LPCAT2: variants seen among roughly 807,000 people sequenced by gnomAD.
LPCAT2 encodes the protein 1-AGP acyltransferase 11.
LPCAT2 carries 58 observed loss-of-function variants against 64.7 expected under a neutral mutation model. The observed-to-expected ratio is 0.90, with a 90% CI of 0.73 to 1.12. The LOEUF (loss-of-function observed/expected upper bound fraction) is 1.12. LPCAT2 is among the 50% of genes most tolerant of loss of function. The pLI, the probability that LPCAT2 is intolerant of heterozygous loss-of-function variation, is 0.00. For missense variants in LPCAT2, 579 were observed against 669.8 expected (o/e 0.86, Z 1.50); for synonymous variants, 252 against 245.3 (o/e 1.03, Z -0.26).
chr16:55,537,402 A>G (rs1488457185), intron 7 of LPCAT2, among the ~76,000 whole-genome samples, 176 bp from the exon 8 acceptor site: 1 of 152,030 alleles, frequency 6.6e-6, no homozygotes, highest in African/African-American at 2.4e-5. Context: ...AAAAAAAAAA[A>G]AAAGAATAGT....
At chr16:55,520,583 T>C (rs1334546107) in intron 1 of LPCAT2, among the ~76,000 whole-genome samples, 3 of 151,986 alleles carry the variant, frequency 2.0e-5, no homozygotes, top group Non-Finnish European at 4.4e-5. Context: ...ACACATTTAA[T>C]GCTTACCGAC....
intron 8 of LPCAT2, among the ~76,000 whole-genome samples, chr16:55,544,982 G>T (rs1399713816): frequency 1.3e-5 from 2 of 152,158 alleles, no homozygotes; most frequent in East Asian, 1.9e-4. Context: ...TTAAAATATT[G>T]ATCTTCTTTA....
intron 12 of LPCAT2, among the ~76,000 whole-genome samples, chr16:55,576,323 T>G (rs1330725953): frequency 6.6e-6 from 1 of 152,194 alleles, no homozygotes; most frequent in Non-Finnish European, 1.5e-5. Flanking sequence ...TATAGGATTC[T>G]TTTACATACT....
At chr16:55,541,990 G>A (rs1286270099) in intron 8 of LPCAT2, 2 of 1,168,270 alleles carry the variant, frequency 1.7e-6, no homozygotes, top group South Asian at 1.5e-5. Flanking sequence ...ATTATTTTCT[G>A]TTACAAGGAA....
rs1220066795 is a variant in LPCAT2 at position 55,585,072 on chromosome 16, C to T, written c.*1974C>T. ...TCTTGAAAGTGATCCCATTGCTTTC[C>T]TGTTTTAAAAATATTTTATGCTCTT... On this transcript the variant is annotated 3_prime_UTR_variant, in exon 14 of 14. Transcript: ENST00000262134. The T allele has an allele frequency of 6.6e-6, 1 of 152,010 alleles. No individual in the cohort carries two copies. The highest frequency in any genetic ancestry group is 1.5e-5 in the Non-Finnish European group (1 of 67,966). 9.4% of individuals were successfully genotyped at this position (152,010 alleles called of 1,614,324 possible).
intron 1 of LPCAT2, among the ~76,000 whole-genome samples, chr16:55,525,265 T>C (rs1169299907): frequency 6.6e-6 from 1 of 152,142 alleles, no homozygotes; most frequent in Non-Finnish European, 1.5e-5. Context: ...TTCATTGGTA[T>C]GCAGATCATT....
At chr16:55,533,655 C>T (rs931766947) in intron 6 of LPCAT2, among the ~76,000 whole-genome samples, 5 of 152,036 alleles carry the variant, frequency 3.3e-5, no homozygotes, top group East Asian at 3.9e-4. Flanking sequence ...TCAAGTAATC[C>T]ACCTGTCTTG....
chr16:55,547,987 C>T (rs149752841), intron 9 of LPCAT2, among the ~76,000 whole-genome samples: 2,481 of 152,218 alleles, frequency 0.016, 20 homozygotes, highest in Middle Eastern at 0.051. Flanking sequence ...AGGCTGGTCT[C>T]GAACTCCTGA....
intron 1 of LPCAT2, among the ~76,000 whole-genome samples, chr16:55,520,322 G>A (rs1463905555): frequency 6.6e-6 from 1 of 152,038 alleles, no homozygotes; most frequent in Non-Finnish European, 1.5e-5. Flanking sequence ...CGGTCAGTGG[G>A]AAAACTTAGC....
Position 55,566,934 on chromosome 16 carries a change from C to T in LPCAT2, c.1216-7697C>T, listed in dbSNP as rs563285482. ...TGCAGCAGCTCAGTATACTCCAGAACCGCCTCCCACTCAGCAGCATTTCAC... is the reference window on the plus strand; with the variant it reads ...TGCAGCAGCTCAGTATACTCCAGAATCGCCTCCCACTCAGCAGCATTTCAC... On this transcript the variant is annotated intron_variant, in intron 11 of 13. Transcript: ENST00000262134. 9.1e-5 allele frequency: 147 copies of T among 1,613,804 alleles called. No individual in the cohort carries two copies. The highest frequency in any genetic ancestry group is 1.2e-4 in the Non-Finnish European group (139 of 1,179,860).
intron 11 of LPCAT2, 32 bp downstream of exon 11, chr16:55,551,134 C>A: frequency 6.3e-7 from 1 of 1,587,180 alleles, no homozygotes; most frequent in Non-Finnish European, 8.6e-7. Flanking sequence ...CACATTTTTA[C>A]TCTGTCAGTC....
chr16:55,582,794 GTT>G, intron 13 of LPCAT2, 118 bp from the exon 14 acceptor site: 1 of 641,262 alleles, frequency 1.6e-6, no homozygotes, highest in Non-Finnish European at 2.7e-6. Context: ...CATCAGCAAT[GTT>G]TGTGTGTTGG....
chr16:55,513,933 T>G (rs1214188078), intron 1 of LPCAT2, among the ~76,000 whole-genome samples: 1 of 152,168 alleles, frequency 6.6e-6, no homozygotes, highest in African/African-American at 2.4e-5. Flanking sequence ...GCGAGTGCAG[T>G]GGTGCACACC....
In LPCAT2 at chr16:55,583,227, A is replaced by C; in HGVS notation, c.*129A>C. On this transcript the variant is annotated 3_prime_UTR_variant, in exon 14 of 14. Transcript: ENST00000262134. ...AAGATTTTTAAAACAAAAATGATAG[A>C]TTTTCTTACTAAAAATGTTTTTATT... The C allele has an allele frequency of 6.9e-6, 5 of 726,068 alleles. No individual in the cohort carries two copies. The highest frequency in any genetic ancestry group is 1.1e-5 in the Non-Finnish European group (5 of 475,344). The allele number at this position is 726,068 out of a possible 1,614,324, so 45.0% of individuals were successfully genotyped here. A position where few individuals can be genotyped will look rare whatever the true frequency, so the allele number is the denominator to read the frequency against.
intron 2 of LPCAT2, among the ~76,000 whole-genome samples, chr16:55,527,739 G>A (rs1366144576): frequency 6.6e-6 from 1 of 152,056 alleles, no homozygotes; most frequent in African/African-American, 2.4e-5. Context: ...AGTAGTTTCT[G>A]GAATTGCTTA....
chr16:55,561,431 T>C (rs1273116520), intron 11 of LPCAT2, among the ~76,000 whole-genome samples: 2 of 150,932 alleles, frequency 1.3e-5, no homozygotes, highest in African/African-American at 4.8e-5. Flanking sequence ...TTAAGGTTGC[T>C]ATTAATGTTC....
intron 11 of LPCAT2, among the ~76,000 whole-genome samples, chr16:55,566,343 TA>T (rs1337067609): frequency 2.2e-4 from 33 of 152,320 alleles, no homozygotes; most frequent in Admixed American, 4.6e-4. Flanking sequence ...AAATATTTCT[TA>T]GAGAATAAAT....
chr16:55,509,246 T>A lies in LPCAT2; in HGVS notation c.65T>A (p.Val22Glu), dbSNP rs1241506149. ...GTGCCAGGTGCCGGCGTCGGGAACG[T>A]GGGGCTGCGGCCGCCCATGGTGCCC... is the stretch of plus-strand genomic sequence containing the variant. ...ATVPGAGVGN[V>E]GLRPPMVPRQ... Residue 22 changes from valine (V) to glutamate (E), a missense_variant, in exon 1 of 14, where the codon GTG (valine) becomes GAG (glutamate). Coordinates refer to ENST00000262134, the MANE Select transcript of LPCAT2 (RefSeq NM_017839.5). 5 of 1,486,074 alleles carry A rather than the reference T, an allele frequency of 3.4e-6. No individual in the cohort carries two copies. The highest frequency in any genetic ancestry group is 4.5e-6 in the Non-Finnish European group (5 of 1,111,200). The allele number at this position is 1,486,074 out of a possible 1,614,324, so 92.1% of individuals were successfully genotyped here. A position where few individuals can be genotyped will look rare whatever the true frequency, so the allele number is the denominator to read the frequency against.
chr16:55,556,743 G>C (rs1211420449), intron 11 of LPCAT2, among the ~76,000 whole-genome samples: 7 of 151,930 alleles, frequency 4.6e-5, no homozygotes, highest in Non-Finnish European at 1.0e-4. Context: ...GCGAGACTCC[G>C]TCTCAAAAAA....
Sources: allele counts gnomAD v4.1 joint callset (sites outside exome capture counted in the v4.1 genomes callset), GRCh38; gene constraint gnomAD v4.1.1; transcripts MANE v1.5; gene names NCBI Gene and HGNC (gene_info 2026-07-23, HGNC 2026-07-21).